Variants in BNC2 observed in about 807,000 individuals in gnomAD.
The protein encoded by BNC2 is basonuclin zinc finger protein 2, also known as zinc finger protein basonuclin-2.
A neutral mutation model predicts 76.3 loss-of-function variants in BNC2; 20 were observed. That is an observed-to-expected ratio of 0.26 (90% CI 0.18 to 0.38). BNC2 has a LOEUF of 0.38. Ranked by LOEUF, BNC2 falls within the 10% of genes least tolerant of loss-of-function variation. The probability of loss-of-function intolerance (pLI) is 1.00; values close to 1 mark genes in which losing one functional copy is unlikely to be tolerated. For missense variants in BNC2, 1,382 were observed against 1,399.8 expected, an observed-to-expected ratio of 0.99 and a Z score of 0.20; for synonymous variants, 582 against 514.8, an observed-to-expected ratio of 1.13 and a Z score of -1.77.
At chr9:16,785,296 T>C (rs983333660) in intron 1 of BNC2, among the ~76,000 whole-genome samples, 4 of 152,188 alleles carry the variant, frequency 2.6e-5, no homozygotes, top group African/African-American at 9.7e-5. Flanking sequence ...GATGAACAGT[T>C]GTTCTCCATT....
chr9:16,849,974 A>T (rs879270855), intron 1 of BNC2, among the ~76,000 whole-genome samples: 2 of 152,106 alleles, frequency 1.3e-5, no homozygotes, highest in Non-Finnish European at 2.9e-5. Flanking sequence ...TAGCTTTCTG[A>T]TTTCTAATGT....
At chr9:16,490,262 C>A (rs1431263485) in intron 5 of BNC2, among the ~76,000 whole-genome samples, 1 of 152,080 alleles carries the variant, frequency 6.6e-6, no homozygotes, top group African/African-American at 2.4e-5. Context: ...GCACTTCTAA[C>A]ATGGCAGCCG....
At chr9:16,672,419 C>T (rs1822506086) in intron 3 of BNC2, among the ~76,000 whole-genome samples, 1 of 152,138 alleles carries the variant, frequency 6.6e-6, no homozygotes, top group South Asian at 2.1e-4. Context: ...ATGGCGTGAA[C>T]CCGGGAGGCA....
chr9:16,530,569 T>C (rs1817945552), intron 5 of BNC2, among the ~76,000 whole-genome samples: 1 of 152,212 alleles, frequency 6.6e-6, no homozygotes, highest in Non-Finnish European at 1.5e-5. Flanking sequence ...CTGAGAAATC[T>C]GTCAAGAGCG....
At chr9:16,857,681 T>A (rs1002090746) in intron 1 of BNC2, among the ~76,000 whole-genome samples, 1 of 152,164 alleles carries the variant, frequency 6.6e-6, no homozygotes, top group Middle Eastern at 3.2e-3. Flanking sequence ...CAGTTACATA[T>A]CTAATTAATA....
At chr9:16,846,139 CAAAA>C (rs35798416) in intron 1 of BNC2, among the ~76,000 whole-genome samples, 3 of 109,686 alleles carry the variant, frequency 2.7e-5, no homozygotes, top group Non-Finnish European at 4.3e-5. Context: ...GACACCGTCT[CAAAA>C]AAAAAAAAAA....
chr9:16,755,633 A>G (rs560769934), intron 1 of BNC2, among the ~76,000 whole-genome samples: 1 of 152,096 alleles, frequency 6.6e-6, no homozygotes, highest in Admixed American at 6.5e-5. Flanking sequence ...GTAAATGTCT[A>G]TATTTAGCCT....
intron 6 of BNC2, among the ~76,000 whole-genome samples, chr9:16,424,092 T>C (rs116929814): frequency 6.6e-6 from 1 of 152,244 alleles, no homozygotes; most frequent in Non-Finnish European, 1.5e-5. Context: ...GTCAAGTAAG[T>C]GCAAATGCCC....
At chr9:16,613,921 TA>T (rs57686033) in intron 3 of BNC2, among the ~76,000 whole-genome samples, 3,919 of 152,228 alleles carry the variant, frequency 0.026, 181 homozygotes, top group African/African-American at 0.089. Flanking sequence ...ACAACTCGAT[TA>T]CAAAAGAAAG....
At chr9:16,663,305 G>T (rs902421989) in intron 3 of BNC2, among the ~76,000 whole-genome samples, 2 of 151,624 alleles carry the variant, frequency 1.3e-5, no homozygotes, top group African/African-American at 4.8e-5. Context: ...GCTAATTTTT[G>T]TATTTTTAGT....
chr9:16,495,265 A>C (rs1432753873), intron 5 of BNC2, among the ~76,000 whole-genome samples: 1 of 152,180 alleles, frequency 6.6e-6, no homozygotes, highest in Non-Finnish European at 1.5e-5. Flanking sequence ...GGGTAGCAGG[A>C]GGAAAAAAAT....
At chr9:16,797,838 C>A (rs906571438) in intron 1 of BNC2, among the ~76,000 whole-genome samples, 1 of 152,038 alleles carries the variant, frequency 6.6e-6, no homozygotes, top group Non-Finnish European at 1.5e-5. Context: ...TATGCCATGT[C>A]CTAGGAAAGG....
chr9:16,823,026 C>T lies in BNC2; in HGVS notation c.3+47620G>A, dbSNP rs116033270. 3.0e-3 allele frequency among the ~76,000 whole-genome samples: 464 copies of T among 152,216 alleles called. 3 individuals are homozygous for T. The highest frequency in any genetic ancestry group is 0.011 in the African/African-American group (440 of 41,524). ...TGTCTCATCAATGTAATGTCCTCCTCCACACAATGATTGAAACCATATTAG... is the reference window on the plus strand; with the variant it reads ...TGTCTCATCAATGTAATGTCCTCCTTCACACAATGATTGAAACCATATTAG... On this transcript the variant is annotated intron_variant, in intron 1 of 6. Coordinates refer to ENST00000380672, the MANE Select transcript of BNC2 (RefSeq NM_017637.6).
chr9:16,575,319 A>G (rs548573237), intron 4 of BNC2: 2 of 985,342 alleles, frequency 2.0e-6, no homozygotes, highest in East Asian at 2.3e-4. Flanking sequence ...ACACCCTCCC[A>G]CGAAACTCCT....
At chr9:16,690,282 A>C (rs1333149337) in intron 3 of BNC2, among the ~76,000 whole-genome samples, 1 of 152,186 alleles carries the variant, frequency 6.6e-6, no homozygotes, top group Non-Finnish European at 1.5e-5. Context: ...CAGGAGTTCT[A>C]GACCAGCCTG....
intron 3 of BNC2, among the ~76,000 whole-genome samples, chr9:16,712,741 GA>G (rs1823886123): frequency 6.6e-6 from 1 of 152,166 alleles, no homozygotes; most frequent in Non-Finnish European, 1.5e-5. Context: ...GTGTTTAAAA[GA>G]AATAAATAGA....
intron 4 of BNC2, among the ~76,000 whole-genome samples, chr9:16,555,709 T>A (rs1207523058): frequency 6.6e-6 from 1 of 152,024 alleles, no homozygotes; most frequent in Non-Finnish European, 1.5e-5. Context: ...GTAGGAGGAT[T>A]ATCTGAGCCC....
Position 16,418,664 on chromosome 9 carries a change from CTGTG to C in BNC2, c.*321_*324del, listed in dbSNP as rs139823578. ...TGTCAAAACTGGGGCTAGTTGCACA[CTGTG>C]TGTGTGTGTGTGTGTGTGTGTGTAT... On this transcript the variant is annotated 3_prime_UTR_variant, in exon 7 of 7. Coordinates refer to ENST00000380672, the MANE Select transcript of BNC2 (RefSeq NM_017637.6). 3.6e-3 allele frequency: 761 copies of C among 213,788 alleles called. 1 individual carries two copies. The highest frequency in any genetic ancestry group is 6.6e-3 in the Middle Eastern group (4 of 602). 13.2% of individuals were successfully genotyped at this position (213,788 alleles called of 1,614,324 possible). A position where few individuals can be genotyped will look rare whatever the true frequency, so the allele number is the denominator to read the frequency against.
intron 1 of BNC2, among the ~76,000 whole-genome samples, chr9:16,847,512 G>A (rs1819018260): frequency 8.7e-6 from 1 of 115,180 alleles, no homozygotes. Context: ...AAAAAGAATT[G>A]ACCAAACACG....
Sources: allele counts gnomAD v4.1 joint callset (sites outside exome capture counted in the v4.1 genomes callset), GRCh38; gene constraint gnomAD v4.1.1; transcripts MANE v1.5; gene names NCBI Gene and HGNC (gene_info 2026-07-23, HGNC 2026-07-21).